The following NEK9 variants were observed in gnomAD, a reference collection of about 807,000 sequenced individuals.
NEK9 encodes the protein NIMA related kinase 9.
In NEK9, 75 loss-of-function variants were observed where a neutral mutation model predicts 123.4. The observed-to-expected ratio is 0.61, with a 90% CI of 0.50 to 0.74. The LOEUF (loss-of-function observed/expected upper bound fraction) is 0.74. Ranked by LOEUF, NEK9 falls within the 30% of genes least tolerant of loss-of-function variation. The pLI, the probability that NEK9 is intolerant of heterozygous loss-of-function variation, is 0.00. For missense variants in NEK9, 952 were observed against 1,214.4 expected, an observed-to-expected ratio of 0.78 and a Z score of 3.21; for synonymous variants, 438 against 458.7, an observed-to-expected ratio of 0.95 and a Z score of 0.58.
chr14:75,123,410 AAATAAT>A (rs958763361), intron 2 of NEK9, among the ~76,000 whole-genome samples: 16 of 145,298 alleles, frequency 1.1e-4, no homozygotes, highest in African/African-American at 3.9e-4. Flanking sequence ...ATCTCAAAAA[AAATAAT>A]AATAATAATA....
At chr14:75,127,193 G>C, upstream of NEK9, 1 of 416,398 alleles carries the variant, frequency 2.4e-6, no homozygotes, top group Non-Finnish European at 4.3e-6. Flanking sequence ...CTCGGGCTAG[G>C]GTTGGCGGGC....
rs1895561335 is a variant in NEK9, at chr14:75,127,004, G to A, written c.-83C>T. 2.5e-6 allele frequency: 3 copies of A among 1,186,524 alleles called. No homozygotes were observed. Among genetic ancestry groups the A allele is most frequent in the East Asian group, 3.2e-5 (1 of 31,346 alleles). The allele number at this position is 1,186,524 out of a possible 1,614,324, so 73.5% of individuals were successfully genotyped here. A position where few individuals can be genotyped will look rare whatever the true frequency, so the allele number is the denominator to read the frequency against. On this transcript the variant is annotated 5_prime_UTR_variant, in exon 1 of 22. Coordinates refer to ENST00000238616, the MANE Select transcript of NEK9 (RefSeq NM_033116.6). ...CTGCGTCCCGCTCGCTTCAGATGCCGGCCCGCGGATCCGTCAGCCCAGCAA... is the reference window on the plus strand; with the variant it reads ...CTGCGTCCCGCTCGCTTCAGATGCCAGCCCGCGGATCCGTCAGCCCAGCAA...
Position 75,097,144 on chromosome 14 carries a change from A to G in NEK9, c.2129T>C (p.Val710Ala). Residue 710 changes from valine to alanine, a missense_variant, in exon 17 of 22, where the codon GTC becomes GCC. Val to Ala is a moderately conservative substitution (Grantham distance 64). This residue lies in a region of NEK9 where 698 missense variants were observed against 875.6 expected (regional missense o/e 0.80). Transcript: ENST00000238616. The part of the protein sequence containing the change: ...PRPIFGSLHH[V>A]PDLSCRGWHT... ...CCATCCACGGCAAGACAGGTCCGGG[A>G]CATGATGCAGAGATCCAAAAATAGG... 1 of 1,613,638 alleles carries G rather than the reference A, an allele frequency of 6.2e-7. No individual in the cohort carries two copies. The highest frequency in any genetic ancestry group is 8.5e-7 in the Non-Finnish European group (1 of 1,179,708).
At chr14:75,109,649 T>C (rs774500432) in intron 10 of NEK9, 36 bp downstream of exon 10, 2 of 1,588,274 alleles carry the variant, frequency 1.3e-6, no homozygotes, top group South Asian at 2.2e-5. Context: ...CAATTAGGCT[T>C]ACAGCACTGT....
At chr14:75,088,266 G>GTGTTAGCCT (rs1894089019) in intron 20 of NEK9, among the ~76,000 whole-genome samples, 1 of 152,190 alleles carries the variant, frequency 6.6e-6, no homozygotes, top group Non-Finnish European at 1.5e-5. Context: ...CTTTAGAAAG[G>GTGTTAGCCT]TGTTAGCCTG....
At chr14:75,124,025 T>G (rs1329329072) in intron 2 of NEK9, 21 bp downstream of exon 2, 1 of 1,589,150 alleles carries the variant, frequency 6.3e-7, no homozygotes, top group African/African-American at 1.3e-5. Context: ...GCTGGAAAAG[T>G]CCCACTGAAC....
At chr14:75,105,918 A>G in intron 13 of NEK9, 32 bp downstream of exon 13, 1 of 1,554,040 alleles carries the variant, frequency 6.4e-7, no homozygotes, top group Admixed American at 1.7e-5. Flanking sequence ...GACTTAAGAT[A>G]GGTTTTAGAA....
chr14:75,112,617 C>CT (rs1894993045), intron 8 of NEK9, among the ~76,000 whole-genome samples: 1 of 152,086 alleles, frequency 6.6e-6, no homozygotes, highest in African/African-American at 2.4e-5. Flanking sequence ...TAGGCAACAG[C>CT]TTTGAGATCA....
chr14:75,102,109 G>A (rs1894603228), intron 14 of NEK9, among the ~76,000 whole-genome samples: 1 of 152,078 alleles, frequency 6.6e-6, no homozygotes, highest in South Asian at 2.1e-4. Flanking sequence ...ATCTAACAAG[G>A]GCAGGGCAAA....
chr14:75,090,522 T>G (rs1894181428), intron 19 of NEK9, among the ~76,000 whole-genome samples: 1 of 152,100 alleles, frequency 6.6e-6, no homozygotes, highest in Non-Finnish European at 1.5e-5. Context: ...AGCCATATGT[T>G]GTGAGTAACT....
intron 15 of NEK9, 67 bp downstream of exon 15, chr14:75,101,590 C>T (rs1295799933): frequency 1.1e-5 from 12 of 1,088,372 alleles, no homozygotes; most frequent in Middle Eastern, 2.1e-4. Context: ...TAAAGAAAAC[C>T]TAATACCTGA....
At chr14:75,124,020 A>C (rs1566662157) in intron 2 of NEK9, 26 bp downstream of exon 2, 1 of 1,583,026 alleles carries the variant, frequency 6.3e-7, no homozygotes, top group Admixed American at 1.7e-5. Context: ...GTCTTGCTGG[A>C]AAAGTCCCAC....
At position 75,106,512 on chromosome 14, in the gene NEK9, A is replaced by G. The variant is rs1166439942; in HGVS notation, c.1518T>C (p.Cys506=). The change falls in exon 12 of 22, where the codon TGT becomes TGC. Residue 506 remains cysteine (C), a synonymous_variant. Transcript: ENST00000238616. ...TRNKEVYSWG[C]GEYGRLGLDS... Reference sequence around the variant, plus strand: ...CAAGGCTACCCCTACCATATTCGCCACAGCCCCAAGAATAGACTTCCTTGT... The same window carrying G: ...CAAGGCTACCCCTACCATATTCGCCGCAGCCCCAAGAATAGACTTCCTTGT... The G allele has an allele frequency of 2.5e-6, 4 of 1,613,926 alleles. No homozygotes were observed. The highest frequency in any genetic ancestry group is 3.4e-6 in the Non-Finnish European group (4 of 1,179,998).
Position 75,088,621 on chromosome 14 carries a change from A to G in NEK9, c.2463T>C (p.Phe821=). 6.2e-7 allele frequency: 1 copy of G among 1,613,876 alleles called. No individual in the cohort carries two copies. Among genetic ancestry groups the G allele is most frequent in the Non-Finnish European group, 8.5e-7 (1 of 1,179,898 alleles). The change falls in exon 20 of 22, where the codon TTT becomes TTC. Residue 821 remains phenylalanine, a synonymous_variant. Coordinates refer to ENST00000238616, the MANE Select transcript of NEK9 (RefSeq NM_033116.6). ...WLRKELENAE[F]IPMPDSPSPL... is the part of the protein sequence containing the mutation. Reference sequence around the variant, plus strand: ...GAGATGGGCTGTCAGGCATGGGGATAAATTCTGCATTTTCCAGCTCCTATG... The same window carrying G: ...GAGATGGGCTGTCAGGCATGGGGATGAATTCTGCATTTTCCAGCTCCTATG...
At chr14:75,104,531 G>C (rs1305754896) in intron 13 of NEK9, among the ~76,000 whole-genome samples, 1 of 150,828 alleles carries the variant, frequency 6.6e-6, no homozygotes, top group Non-Finnish European at 1.5e-5. Context: ...GCCCAGGCTG[G>C]AATGCAGTGG....
intron 14 of NEK9, 53 bp downstream of exon 14, chr14:75,103,789 C>T (rs932635455): frequency 6.5e-7 from 1 of 1,547,172 alleles, no homozygotes; most frequent in Admixed American, 2.0e-5. Context: ...CAAAGAAATT[C>T]CAACCTAGAG....
chr14:75,084,597 G>C lies in NEK9; in HGVS notation c.2907C>G (p.Leu969=). 1.9e-6 allele frequency: 3 copies of C among 1,614,186 alleles called. 1 individual carries two copies. In the South Asian group the frequency reaches 3.3e-5, roughly 18 times the overall value. The change falls in exon 22 of 22, where the codon CTC becomes CTG. Residue 969 remains leucine, a synonymous_variant. Coordinates refer to ENST00000238616, the MANE Select transcript of NEK9 (RefSeq NM_033116.6). ...KPDLDSDSWC[L]LGTDSCRPSL The stretch of plus-strand genomic sequence containing the variant: ...TGGGTCTACAGGAGTCTGTTCCCAG[G>C]AGGCACCAGGAATCTGAATCTAAGT...
At chr14:75,115,627 G>A (rs528748608) in intron 6 of NEK9, among the ~76,000 whole-genome samples, 2 of 152,296 alleles carry the variant, frequency 1.3e-5, no homozygotes, top group East Asian at 1.9e-4. Flanking sequence ...TGAAACAGAG[G>A]ATCAAAGAGA....
At chr14:75,094,645 T>C (rs1009402874) in intron 18 of NEK9, among the ~76,000 whole-genome samples, 29 of 152,018 alleles carry the variant, frequency 1.9e-4, no homozygotes, top group Admixed American at 1.8e-3. Flanking sequence ...CTGAGTGTGG[T>C]GGTGCATGCC....
Sources: allele counts gnomAD v4.1 joint callset (sites outside exome capture counted in the v4.1 genomes callset), GRCh38; gene constraint gnomAD v4.1.1; regional missense constraint gnomAD v4.1.1; transcripts MANE v1.5; gene names NCBI Gene and HGNC (gene_info 2026-07-23, HGNC 2026-07-21).